Variants in FRMD3 observed in about 807,000 individuals in gnomAD.
FRMD3 encodes FERM domain containing 3.
A neutral mutation model predicts 70.2 loss-of-function variants in FRMD3; 33 were observed. That is an observed-to-expected ratio of 0.47 (90% CI 0.36 to 0.63). The LOEUF (loss-of-function observed/expected upper bound fraction) is 0.63, where lower values mean the gene tolerates loss of function less well. FRMD3 is among the 20% of genes least tolerant of loss of function. The probability of loss-of-function intolerance (pLI) is 0.00; values close to 1 mark genes in which losing one functional copy is unlikely to be tolerated. For missense variants in FRMD3, 632 were observed against 711.4 expected (o/e 0.89, Z 1.27); for synonymous variants, 279 against 255.9 (o/e 1.09, Z -0.86).
intron 1 of FRMD3, among the ~76,000 whole-genome samples, chr9:83,524,212 A>C (rs138120026): frequency 1.3e-5 from 2 of 152,370 alleles, no homozygotes; most frequent in African/African-American, 4.8e-5. Context: ...GCAGATAGAA[A>C]ATTTCATTAG....
At chr9:83,469,510 TG>T (rs1181706439) in intron 1 of FRMD3, among the ~76,000 whole-genome samples, 1 of 152,084 alleles carries the variant, frequency 6.6e-6, no homozygotes, top group Non-Finnish European at 1.5e-5. Flanking sequence ...GGGAAGTGCC[TG>T]GTGAGAAAAA....
chr9:83,267,073 G>A (rs1480201096), intron 13 of FRMD3: 1 of 1,550,766 alleles, frequency 6.4e-7, no homozygotes, highest in African/African-American at 1.4e-5. Context: ...CATTACTGTT[G>A]CAGTGGTTCA....
At chr9:83,362,175 T>TTCTCTCTC (rs67469418) in intron 3 of FRMD3, among the ~76,000 whole-genome samples, 1 of 146,922 alleles carries the variant, frequency 6.8e-6, no homozygotes, top group Non-Finnish European at 1.5e-5. Flanking sequence ...ATGCTGTTGG[T>TTCTCTCTC]TCTCTCTCTC....
intron 2 of FRMD3, among the ~76,000 whole-genome samples, chr9:83,376,519 G>A (rs1825150106): frequency 6.6e-6 from 1 of 151,884 alleles, no homozygotes; most frequent in South Asian, 2.1e-4. Flanking sequence ...AGTCACCCCA[G>A]AGAAACACAG....
chr9:83,434,309 A>G (rs1362731935), intron 1 of FRMD3, among the ~76,000 whole-genome samples: 1 of 152,204 alleles, frequency 6.6e-6, no homozygotes, highest in Non-Finnish European at 1.5e-5. Context: ...CCTGTTCTGC[A>G]AGGCAGTGGA....
intron 1 of FRMD3, among the ~76,000 whole-genome samples, chr9:83,522,410 G>C (rs1055251918): frequency 6.6e-6 from 1 of 152,122 alleles, no homozygotes; most frequent in Non-Finnish European, 1.5e-5. Context: ...GCAGGGAGCT[G>C]TGCCTGTCCC....
At chr9:83,375,763 T>C (rs1178967064) in intron 2 of FRMD3, among the ~76,000 whole-genome samples, 3 of 152,118 alleles carry the variant, frequency 2.0e-5, no homozygotes, top group African/African-American at 4.8e-5. Flanking sequence ...AAATAACTAA[T>C]GGGAACTAGG....
intron 5 of FRMD3, among the ~76,000 whole-genome samples, chr9:83,340,684 A>T (rs1299451820): frequency 2.6e-5 from 4 of 152,222 alleles, no homozygotes; most frequent in African/African-American, 9.6e-5. Flanking sequence ...TGTATTATGA[A>T]AGAAAATGCA....
At chr9:83,284,058 GTTA>G (rs757806606) in intron 13 of FRMD3, among the ~76,000 whole-genome samples, 189 of 79,346 alleles carry the variant, frequency 2.4e-3, no homozygotes, top group Non-Finnish European at 3.8e-3. Context: ...AAGCTAGGAT[GTTA>G]TTTTTTTTTT....
intron 3 of FRMD3, among the ~76,000 whole-genome samples, chr9:83,363,292 G>A (rs117182697): frequency 0.027 from 4,037 of 152,034 alleles, 70 homozygotes; most frequent in Non-Finnish European, 0.041. Context: ...CATTATTTAC[G>A]TGGTCTTTTA....
intron 13 of FRMD3, 80 bp downstream of exon 13, chr9:83,290,523 A>C: frequency 6.7e-7 from 1 of 1,494,896 alleles, no homozygotes; most frequent in Non-Finnish European, 9.3e-7. Context: ...ATTACCCATC[A>C]TATGCAGAAT....
chr9:83,381,453 G>A (rs1159736886), intron 2 of FRMD3, among the ~76,000 whole-genome samples: 2 of 152,088 alleles, frequency 1.3e-5, no homozygotes, highest in Non-Finnish European at 2.9e-5. Context: ...CTACTCAGGA[G>A]GCTGAGGCAG....
intron 11 of FRMD3, 102 bp from the exon 12 acceptor site, chr9:83,298,918 G>A: frequency 8.3e-7 from 1 of 1,209,610 alleles, no homozygotes; most frequent in Non-Finnish European, 1.2e-6. Flanking sequence ...GTCTGACCCA[G>A]CTATAGAAAT....
chr9:83,548,223 T>C, the FRMD3 span, among the ~76,000 whole-genome samples: 175 of 152,326 alleles, frequency 1.1e-3, 1 homozygote, highest in African/African-American at 4.1e-3. Context: ...CAACTAGGTA[T>C]TCATGCAAAT....
chr9:83,460,260 C>T (rs1827932219), intron 1 of FRMD3, among the ~76,000 whole-genome samples: 1 of 152,186 alleles, frequency 6.6e-6, no homozygotes, highest in African/African-American at 2.4e-5. Context: ...GCCCTGCTTT[C>T]AAGATCCCAG....
chr9:83,303,792 G>T (rs1051262447), intron 10 of FRMD3, among the ~76,000 whole-genome samples: 4 of 152,100 alleles, frequency 2.6e-5, no homozygotes, highest in African/African-American at 7.2e-5. Flanking sequence ...GTTAAAAAAA[G>T]AAATTACGAA....
chr9:83,490,245 G>T (rs532352063), intron 1 of FRMD3, among the ~76,000 whole-genome samples: 36 of 152,154 alleles, frequency 2.4e-4, no homozygotes, highest in Admixed American at 2.3e-3. Context: ...AAAACAAACA[G>T]GCATTTTTCT....
chr9:83,520,157 A>G (rs1157918361), intron 1 of FRMD3, among the ~76,000 whole-genome samples: 1 of 152,144 alleles, frequency 6.6e-6, no homozygotes, highest in Non-Finnish European at 1.5e-5. Flanking sequence ...AAAAGGAAAT[A>G]TGAAAATGGG....
chr9:83,390,534 C>A (rs796782132), intron 1 of FRMD3, among the ~76,000 whole-genome samples: 2 of 152,262 alleles, frequency 1.3e-5, no homozygotes, highest in African/African-American at 4.8e-5. Flanking sequence ...TGGGTAAACC[C>A]CTAGCTGTTT....
Sources: gnomAD v4.1 joint callset for allele counts (sites outside exome capture counted in the v4.1 genomes callset) on GRCh38, gnomAD v4.1.1 for gene constraint, MANE v1.5 for transcripts, NCBI Gene and HGNC (gene_info 2026-07-23, HGNC 2026-07-21) for gene names.